DCAF6: variants seen among roughly 807,000 people sequenced by gnomAD.
DCAF6 encodes the protein DDB1 and CUL4 associated factor 6, also known as DDB1- and CUL4-associated factor 6.
In DCAF6, 54 loss-of-function variants were observed where a neutral mutation model predicts 125.1. The ratio of observed to expected loss-of-function variants is 0.43; its 90% CI spans 0.35 to 0.54. DCAF6 has a LOEUF of 0.54. DCAF6 is among the 20% of genes least tolerant of loss of function. The probability of loss-of-function intolerance (pLI) is 0.01; values close to 1 mark genes in which losing one functional copy is unlikely to be tolerated. For synonymous variants in DCAF6, 371 were observed against 390.4 expected (o/e 0.95, Z 0.58); for missense variants, 934 against 1,161.7 (o/e 0.80, Z 2.85).
chr1:168,011,070 G>T (rs1571928363), intron 10 of DCAF6, among the ~76,000 whole-genome samples: 1 of 149,952 alleles, frequency 6.7e-6, no homozygotes, highest in African/African-American at 2.5e-5. Flanking sequence ...AAGCTTCCCT[G>T]CCCTGTGTTT....
chr1:167,884,593 T>G, the DCAF6 span, among the ~76,000 whole-genome samples: 1 of 152,116 alleles, frequency 6.6e-6, no homozygotes, highest in Non-Finnish European at 1.5e-5. Context: ...TCTTTTTTTG[T>G]ACTCATTGAC....
chr1:167,887,300 T>C, the DCAF6 span, among the ~76,000 whole-genome samples: 1 of 152,236 alleles, frequency 6.6e-6, no homozygotes, highest in African/African-American at 2.4e-5. Flanking sequence ...CCAACCCAAA[T>C]GTCCATCAGT....
rs146674557 is a variant in DCAF6, at chr1:168,069,756, A to G, written c.2791+1293A>G. ...TGGTGAAAACAACAACAAAAAATAA[A>G]CCTGGAATGTAAACAAAAAATGTTA... On this transcript the variant is annotated intron_variant, in intron 21 of 21. Transcript: ENST00000367840. Among the ~76,000 whole-genome samples the G allele has an allele frequency of 3.4e-3, 521 of 152,274 alleles. 2 individuals carry two copies. The highest frequency in any genetic ancestry group is 0.012 in the African/African-American group (481 of 41,572).
intron 1 of DCAF6, among the ~76,000 whole-genome samples, chr1:167,943,339 T>C (rs1001790773): frequency 1.3e-5 from 2 of 152,238 alleles, no homozygotes; most frequent in East Asian, 3.8e-4. Flanking sequence ...TGAATCTATA[T>C]ATTATTTCAG....
At chr1:168,051,409 T>C (rs1572103203) in intron 17 of DCAF6, among the ~76,000 whole-genome samples, 1 of 152,190 alleles carries the variant, frequency 6.6e-6, no homozygotes, top group African/African-American at 2.4e-5. Context: ...TCCTTATAAA[T>C]AGTTTAGAAA....
chr1:168,016,498 T>C (rs917212683), intron 11 of DCAF6, among the ~76,000 whole-genome samples: 17 of 152,200 alleles, frequency 1.1e-4, no homozygotes, highest in Non-Finnish European at 2.4e-4. Flanking sequence ...GTAATCAACT[T>C]TCTGATGTGT....
At chr1:167,872,525 C>A in the DCAF6 span, among the ~76,000 whole-genome samples, 1 of 151,942 alleles carries the variant, frequency 6.6e-6, no homozygotes, top group East Asian at 1.9e-4. Flanking sequence ...TCTATCTAAG[C>A]AAAGCCTCAA....
At chr1:168,035,784 C>T (rs74647325) in intron 12 of DCAF6, among the ~76,000 whole-genome samples, 7 of 151,996 alleles carry the variant, frequency 4.6e-5, no homozygotes, top group Non-Finnish European at 1.0e-4. Flanking sequence ...CTCTGTAGGC[C>T]GGGCATGGTG....
intron 21 of DCAF6, among the ~76,000 whole-genome samples, chr1:168,072,294 T>TAAAAAAAAAAAAAAAAAA (rs59674650): frequency 1.7e-4 from 7 of 41,016 alleles, no homozygotes; most frequent in African/African-American, 5.7e-4. Context: ...AGAATCAGTC[T>TAAAAAAAAAAAAAAAAAA]AAAAAAAAAA....
At chr1:168,030,180 A>G (rs1305690489) in intron 12 of DCAF6, among the ~76,000 whole-genome samples, 1 of 152,192 alleles carries the variant, frequency 6.6e-6, no homozygotes, top group African/African-American at 2.4e-5. Flanking sequence ...AGCAGGGTTC[A>G]GTGTGGAACA....
At chr1:168,019,378 G>A (rs1685395668) in intron 11 of DCAF6, among the ~76,000 whole-genome samples, 1 of 152,122 alleles carries the variant, frequency 6.6e-6, no homozygotes, top group African/African-American at 2.4e-5. Flanking sequence ...GTAGTATGTT[G>A]TTTGCTACTT....
At chr1:168,024,486 C>T (rs1686079190) in intron 12 of DCAF6, among the ~76,000 whole-genome samples, 1 of 151,940 alleles carries the variant, frequency 6.6e-6, no homozygotes, top group South Asian at 2.1e-4. Context: ...AATTAGAAAA[C>T]TTCTTTTGTA....
At chr1:168,015,056 G>C (rs1684783253) in intron 10 of DCAF6, among the ~76,000 whole-genome samples, 1 of 152,096 alleles carries the variant, frequency 6.6e-6, no homozygotes, top group African/African-American at 2.4e-5. Flanking sequence ...AACTCCACAA[G>C]AATAAGGACT....
chr1:167,984,786 C>G (rs917185617), intron 4 of DCAF6, among the ~76,000 whole-genome samples: 6 of 152,100 alleles, frequency 3.9e-5, no homozygotes, highest in African/African-American at 1.4e-4. Context: ...AAAATTGGTT[C>G]AATTGAAGCA....
At chr1:167,912,080 A>C in the DCAF6 span, among the ~76,000 whole-genome samples, 1 of 152,396 alleles carries the variant, frequency 6.6e-6, no homozygotes, top group Non-Finnish European at 1.5e-5. Flanking sequence ...GTTCTGCAAC[A>C]TCACAAAATG....
intron 3 of DCAF6, among the ~76,000 whole-genome samples, chr1:167,970,573 A>G (rs1160190091): frequency 1.3e-5 from 2 of 152,214 alleles, no homozygotes; most frequent in East Asian, 3.9e-4. Flanking sequence ...ACTTGAGCCC[A>G]GGCGTTCCAC....
At chr1:168,049,425 GTTGTTGTTT>G (rs1201366389) in intron 16 of DCAF6, among the ~76,000 whole-genome samples, 2,410 of 85,514 alleles carry the variant, frequency 0.028, 52 homozygotes, top group African/African-American at 0.11. Flanking sequence ...TGTTGTTGTT[GTTGTTGTTT>G]TTTTTTTTTT....
At chr1:168,034,710 G>C (rs1039385102) in intron 12 of DCAF6, among the ~76,000 whole-genome samples, 1 of 152,058 alleles carries the variant, frequency 6.6e-6, no homozygotes, top group Non-Finnish European at 1.5e-5. Flanking sequence ...TAATATGATA[G>C]CTTTCTACAT....
At chr1:167,935,820 C>T (rs12746154), upstream of DCAF6, 4 of 1,553,888 alleles carry the variant, frequency 2.6e-6, no homozygotes. Context: ...GCCCGCAGGC[C>T]TCGGGCACCG....
Sources: allele counts gnomAD v4.1 joint callset (sites outside exome capture counted in the v4.1 genomes callset), GRCh38; gene constraint gnomAD v4.1.1; transcripts MANE v1.5; gene names NCBI Gene and HGNC (gene_info 2026-07-23, HGNC 2026-07-21).